Variants in IL1RAPL2 observed in about 807,000 individuals in gnomAD.
IL1RAPL2 encodes the protein X-linked interleukin-1 receptor accessory protein-like 2.
IL1RAPL2 carries 3 observed loss-of-function variants against 44.1 expected under a neutral mutation model. That is an observed-to-expected ratio of 0.07 (90% CI 0.03 to 0.18). The LOEUF (loss-of-function observed/expected upper bound fraction) is 0.18. Among genes scored for constraint, IL1RAPL2 ranks in the 10% least tolerant of loss-of-function variants. IL1RAPL2 has a pLI of 1.00. For synonymous variants in IL1RAPL2, 181 were observed against 178.8 expected, an observed-to-expected ratio of 1.01 and a Z score of -0.10; for missense variants, 391 against 496.4, an observed-to-expected ratio of 0.79 and a Z score of 2.02.
intron 6 of IL1RAPL2, among the ~76,000 whole-genome samples, chrX:105,512,506 T>C (rs1940484942): frequency 8.9e-6 from 1 of 112,000 alleles, no homozygotes; most frequent in Non-Finnish European, 1.9e-5. Flanking sequence ...AATTGTCTTT[T>C]CCCTAATTTG....
chrX:105,456,881 G>A (rs1216567765), intron 5 of IL1RAPL2, among the ~76,000 whole-genome samples: 1 of 111,031 alleles, frequency 9.0e-6, no homozygotes, highest in African/African-American at 3.3e-5. Flanking sequence ...TATGGTGAAA[G>A]ATATGGTCTG....
chrX:104,797,794 G>A (rs1932859823), intron 2 of IL1RAPL2, among the ~76,000 whole-genome samples: 1 of 112,180 alleles, frequency 8.9e-6, no homozygotes, highest in Non-Finnish European at 1.9e-5. Flanking sequence ...GATAGAATCA[G>A]GGCGGTGATG....
chrX:105,406,462 G>T, intron 5 of IL1RAPL2: 1 of 1,195,567 alleles, frequency 8.4e-7, no homozygotes, highest in East Asian at 3.0e-5. Flanking sequence ...AACCACCGGA[G>T]GATCATTCAC....
intron 6 of IL1RAPL2, among the ~76,000 whole-genome samples, chrX:105,554,532 C>T (rs773556727): frequency 1.8e-5 from 2 of 111,397 alleles, no homozygotes; most frequent in African/African-American, 3.3e-5. Context: ...TCCCACCCTC[C>T]ACATTTTTGG....
intron 6 of IL1RAPL2, among the ~76,000 whole-genome samples, chrX:105,672,876 C>T (rs763327481): frequency 9.0e-6 from 1 of 111,399 alleles, no homozygotes; most frequent in East Asian, 2.8e-4. Flanking sequence ...ATAGGAAGAG[C>T]AGATCTTTGC....
chrX:105,646,946 T>G (rs1271703139), intron 6 of IL1RAPL2, among the ~76,000 whole-genome samples: 1 of 112,437 alleles, frequency 8.9e-6, no homozygotes, highest in Non-Finnish European at 1.9e-5. Flanking sequence ...GCTCCCAAGA[T>G]GGCGGCAAGC....
chrX:104,910,426 T>A (rs1924198812), intron 2 of IL1RAPL2, among the ~76,000 whole-genome samples: 1 of 112,058 alleles, frequency 8.9e-6, no homozygotes, highest in African/African-American at 3.2e-5. Flanking sequence ...TGTGCAGGTT[T>A]ATTACATAGG....
chrX:105,033,458 T>G (rs918590671), intron 2 of IL1RAPL2, among the ~76,000 whole-genome samples: 12 of 111,326 alleles, frequency 1.1e-4, no homozygotes, highest in African/African-American at 3.6e-4. Flanking sequence ...CTCTGTAAAG[T>G]ATTTTATTTT....
chrX:105,472,721 A>G (rs984010723), intron 5 of IL1RAPL2, among the ~76,000 whole-genome samples: 1 of 111,750 alleles, frequency 8.9e-6, no homozygotes, highest in African/African-American at 3.2e-5. Flanking sequence ...CATCGGTGTT[A>G]CGAAGACAGG....
intron 5 of IL1RAPL2, among the ~76,000 whole-genome samples, chrX:105,271,000 A>T (rs775999701): frequency 8.9e-5 from 10 of 112,258 alleles, no homozygotes; most frequent in Non-Finnish European, 1.5e-4. Context: ...TCTGAGAAAT[A>T]TAACTTCAGT....
intron 2 of IL1RAPL2, among the ~76,000 whole-genome samples, chrX:104,905,514 CTACA>C (rs1366584786): frequency 8.9e-6 from 1 of 111,859 alleles, no homozygotes; most frequent in Non-Finnish European, 1.9e-5. Flanking sequence ...TTTCAGCTTT[CTACA>C]TATGGCTAGC....
chrX:105,311,627 CACACACACACACACAT>C (rs1479405000), intron 5 of IL1RAPL2, among the ~76,000 whole-genome samples: 1 of 97,286 alleles, frequency 1.0e-5, no homozygotes, highest in Admixed American at 1.1e-4. Flanking sequence ...CACACACACA[CACACACACACACACAT>C]ATATATATAT....
intron 3 of IL1RAPL2, among the ~76,000 whole-genome samples, chrX:105,200,881 A>G (rs1193537994): frequency 9.0e-6 from 1 of 111,094 alleles, no homozygotes; most frequent in East Asian, 2.8e-4. Context: ...ACTGCACTCC[A>G]GTCTGGGTGA....
chrX:105,410,260 G>A (rs991400505), intron 5 of IL1RAPL2, among the ~76,000 whole-genome samples: 1 of 110,375 alleles, frequency 9.1e-6, no homozygotes, highest in Non-Finnish European at 1.9e-5. Flanking sequence ...GTATCTATAT[G>A]TTATATAAAG....
intron 5 of IL1RAPL2, among the ~76,000 whole-genome samples, chrX:105,308,548 T>A (rs113287346): frequency 0.067 from 7,445 of 111,877 alleles, 593 homozygotes; most frequent in African/African-American, 0.23. Flanking sequence ...TTATTCTGAA[T>A]TTTTCCCCAC....
At chrX:105,075,757 T>C (rs1412181844) in intron 2 of IL1RAPL2, among the ~76,000 whole-genome samples, 1 of 112,022 alleles carries the variant, frequency 8.9e-6, no homozygotes, top group African/African-American at 3.2e-5. Context: ...AACTTCATCC[T>C]GGTTTAGTCT....
At chrX:104,948,992 G>A (rs1316817081) in intron 2 of IL1RAPL2, among the ~76,000 whole-genome samples, 2 of 109,634 alleles carry the variant, frequency 1.8e-5, no homozygotes, top group Non-Finnish European at 3.8e-5. Flanking sequence ...CAGAAGGAAT[G>A]GTACCAGTTC....
At chrX:105,018,965 A>G (rs947289197) in intron 2 of IL1RAPL2, among the ~76,000 whole-genome samples, 2 of 111,731 alleles carry the variant, frequency 1.8e-5, no homozygotes, top group South Asian at 7.3e-4. Flanking sequence ...AGCCTCTCAG[A>G]GTGAGATAGC....
intron 2 of IL1RAPL2, among the ~76,000 whole-genome samples, chrX:104,908,163 T>C (rs368407467): frequency 2.3e-4 from 26 of 111,655 alleles, no homozygotes; most frequent in African/African-American, 7.8e-4. Context: ...TTGGTAGATT[T>C]TCCTCCATCC....
Sources: allele counts gnomAD v4.1 joint callset (sites outside exome capture counted in the v4.1 genomes callset), GRCh38; gene constraint gnomAD v4.1.1; transcripts MANE v1.5; gene names NCBI Gene and HGNC (gene_info 2026-07-23, HGNC 2026-07-21).